INPP4A: variants seen among roughly 807,000 people sequenced by gnomAD.
The protein encoded by INPP4A is inositol polyphosphate-4-phosphatase type I A.
INPP4A carries 33 observed loss-of-function variants against 119.8 expected under a neutral mutation model. The observed-to-expected ratio is 0.28, with a 90% CI of 0.21 to 0.37. The LOEUF (loss-of-function observed/expected upper bound fraction) is 0.37. INPP4A is among the 10% of genes least tolerant of loss of function. INPP4A has a pLI of 1.00. For synonymous variants in INPP4A, 496 were observed against 500.7 expected (o/e 0.99, Z 0.12); for missense variants, 956 against 1,289.9 (o/e 0.74, Z 3.97).
chr2:98,538,814 G>T, intron 8 of INPP4A, 77 bp from the exon 9 acceptor site: 1 of 805,278 alleles, frequency 1.2e-6, no homozygotes, highest in East Asian at 2.6e-5. Flanking sequence ...GATGTATTTA[G>T]GCCACTGTTT....
intron 13 of INPP4A, chr2:98,548,945 T>A: frequency 6.2e-7 from 1 of 1,609,616 alleles, no homozygotes; most frequent in Non-Finnish European, 8.5e-7. Context: ...TTGGTTCTTT[T>A]CTTTAGCAGT....
At chr2:98,470,253 C>G (rs910377263) in intron 1 of INPP4A, among the ~76,000 whole-genome samples, 5 of 152,302 alleles carry the variant, frequency 3.3e-5, no homozygotes, top group Admixed American at 2.6e-4. Flanking sequence ...GGGAGCGGCC[C>G]CTGGATTTTA....
intron 23 of INPP4A, 71 bp from the exon 24 acceptor site, chr2:98,576,918 T>C: frequency 6.5e-7 from 1 of 1,539,462 alleles, no homozygotes; most frequent in Non-Finnish European, 8.8e-7. Flanking sequence ...TGGGAGCCTT[T>C]CCTGTGTGTG....
chr2:98,536,200 A>T lies in INPP4A; in HGVS notation c.459A>T (p.Leu153Phe). 6.3e-7 allele frequency: 1 copy of T among 1,599,396 alleles called. No individual in the cohort carries two copies. The highest frequency in any genetic ancestry group is 8.6e-7 in the Non-Finnish European group (1 of 1,166,942). The change falls in exon 7 of 25, where the codon TTA (leucine) becomes TTT (phenylalanine). Residue 153 changes from leucine to phenylalanine, a missense_variant. Physicochemically the swap from Leu to Phe is conservative, Grantham distance 22 (BLOSUM62 0). Coordinates refer to ENST00000409851, the MANE Select transcript of INPP4A (RefSeq NM_001134225.2). Reference sequence around the variant, plus strand: ...AGGACAGGCATCATAGGTTGCATTTAACACTAAGGTTGGTATTCAGTTTTA... The same window carrying T: ...AGGACAGGCATCATAGGTTGCATTTTACACTAAGGTTGGTATTCAGTTTTA... ...LLQDRHHRLH[L>F]TLRSAESDRV...
chr2:98,575,190 A>G (rs1005144711), intron 23 of INPP4A, among the ~76,000 whole-genome samples: 1 of 152,232 alleles, frequency 6.6e-6, no homozygotes, highest in African/African-American at 2.4e-5. Context: ...CTAAGCCTAT[A>G]TCTCATGGAT....
chr2:98,463,609 G>A (rs1216786406), intron 1 of INPP4A, among the ~76,000 whole-genome samples: 3 of 152,358 alleles, frequency 2.0e-5, no homozygotes, highest in South Asian at 4.1e-4. Flanking sequence ...ATTCACTCAC[G>A]CAGCAGGTAG....
At chr2:98,576,463 A>G (rs565571624) in intron 23 of INPP4A, among the ~76,000 whole-genome samples, 18 of 152,234 alleles carry the variant, frequency 1.2e-4, no homozygotes, top group African/African-American at 3.9e-4. Flanking sequence ...GGGCAGTGCA[A>G]CTTCTGAGCT....
intron 1 of INPP4A, among the ~76,000 whole-genome samples, chr2:98,471,380 A>G (rs1449271553): frequency 2.6e-5 from 4 of 152,244 alleles, no homozygotes; most frequent in Non-Finnish European, 4.4e-5. Context: ...TCGCAAAGCT[A>G]TCAGGAGAGA....
intron 1 of INPP4A, among the ~76,000 whole-genome samples, chr2:98,469,783 A>C (rs1369689873): frequency 1.3e-5 from 2 of 152,198 alleles, no homozygotes; most frequent in African/African-American, 4.8e-5. Flanking sequence ...CAGCCTGGGC[A>C]GCAAGAAAGA....
intron 13 of INPP4A, among the ~76,000 whole-genome samples, chr2:98,549,725 G>A (rs1277836600): frequency 6.6e-6 from 1 of 152,130 alleles, no homozygotes; most frequent in Non-Finnish European, 1.5e-5. Context: ...GGTGGCATCT[G>A]ACAGGAGGAA....
At chr2:98,573,079 G>T (rs943085093) in intron 23 of INPP4A, among the ~76,000 whole-genome samples, 152 bp downstream of exon 23, 12 of 152,186 alleles carry the variant, frequency 7.9e-5, no homozygotes, top group Admixed American at 2.6e-4. Context: ...AGCTCTGAAA[G>T]AGACTGAACA....
Position 98,587,629 on chromosome 2 carries a change from A to C in INPP4A, c.*21A>C, listed in dbSNP as rs1362782113. On this transcript the variant is annotated 3_prime_UTR_variant, in exon 25 of 25. Coordinates refer to ENST00000409851, the MANE Select transcript of INPP4A (RefSeq NM_001134225.2). ...CGTGAACACACGGTTTCCTCTAATT[A>C]GCTGTTACATAATAAATGTGGGTAC... The C allele has an allele frequency of 1.3e-6, 2 of 1,580,620 alleles. No homozygotes were observed. The highest frequency in any genetic ancestry group is 1.7e-6 in the Non-Finnish European group (2 of 1,166,456).
chr2:98,558,062 C>T (rs574224219), intron 16 of INPP4A, among the ~76,000 whole-genome samples: 1 of 152,350 alleles, frequency 6.6e-6, no homozygotes, highest in East Asian at 1.9e-4. Flanking sequence ...AGAGGAAGTC[C>T]AGAGTGGTCA....
At chr2:98,445,134 G>T in intron 1 of INPP4A, 49 bp downstream of exon 1, 1 of 151,448 alleles carries the variant, frequency 6.6e-6, no homozygotes, top group South Asian at 1.8e-4. Flanking sequence ...CGCGGGGGCC[G>T]GGGCCGGGGA....
intron 1 of INPP4A, among the ~76,000 whole-genome samples, chr2:98,451,782 A>G (rs931899836): frequency 1.3e-5 from 2 of 152,200 alleles, no homozygotes; most frequent in African/African-American, 4.8e-5. Flanking sequence ...TTCAAGAAGG[A>G]TGACCTAAGT....
intron 22 of INPP4A, among the ~76,000 whole-genome samples, chr2:98,571,589 C>G (rs1310096696): frequency 6.6e-6 from 1 of 152,226 alleles, no homozygotes; most frequent in Admixed American, 6.5e-5. Context: ...CAGGCTGGAC[C>G]ACGCAGGCAG....
intron 1 of INPP4A, among the ~76,000 whole-genome samples, chr2:98,450,153 C>A (rs1450853650): frequency 6.6e-6 from 1 of 151,960 alleles, no homozygotes; most frequent in African/African-American, 2.4e-5. Context: ...CTGAGTACCC[C>A]CTGCATGCCA....
chr2:98,485,329 G>C lies in INPP4A; in HGVS notation c.-165-33635G>C, dbSNP rs531136170. On this transcript the variant is annotated intron_variant, in intron 1 of 24. Transcript: ENST00000409851. ...GTCTAAGATTCAGGTGAAAAGGCAG[G>C]ATGCCAAATCTTGTGTACTTGCTGA... is the stretch of plus-strand genomic sequence containing the variant. Among the ~76,000 whole-genome samples the C allele has an allele frequency of 5.9e-5, 9 of 152,332 alleles. No individual in the cohort carries two copies. In the South Asian group the frequency reaches 1.7e-3, roughly 28 times the overall value.
rs947316356 is a variant in INPP4A, at chr2:98,546,932, T to G, written c.1163+238T>G. Among the ~76,000 whole-genome samples, 3 of 152,140 alleles carry G rather than the reference T, an allele frequency of 2.0e-5. No individual in the cohort carries two copies. The highest frequency in any genetic ancestry group is 7.2e-5 in the African/African-American group (3 of 41,418). On this transcript the variant is annotated intron_variant, in intron 13 of 24. Transcript: ENST00000409851. This position sits in a 1 kb window ranked among gnomAD's most constrained non-coding sequence, Gnocchi z 4.2. ...CTGCAAAATGAGGAGCAGATTGTGA[T>G]CCACCTCAGAAGTGGTGCTCCAGGC... is the stretch of plus-strand genomic sequence containing the variant.
Sources: gnomAD v4.1 joint callset for allele counts (sites outside exome capture counted in the v4.1 genomes callset) on GRCh38, gnomAD v4.1.1 for gene constraint, Gnocchi (gnomAD v3.1) non-coding constraint, MANE v1.5 for transcripts, NCBI Gene and HGNC (gene_info 2026-07-23, HGNC 2026-07-21) for gene names.